HSD17B12: variants seen among roughly 807,000 people sequenced by gnomAD.
The protein encoded by HSD17B12 is very-long-chain 3-oxoacyl-CoA reductase.
In HSD17B12, 32 loss-of-function variants were observed where a neutral mutation model predicts 39.3. The ratio of observed to expected loss-of-function variants is 0.81; its 90% CI spans 0.61 to 1.09. HSD17B12 has a LOEUF of 1.09. HSD17B12 is among the 50% of genes least tolerant of loss of function. The probability of loss-of-function intolerance (pLI) is 0.00; values close to 1 mark genes in which losing one functional copy is unlikely to be tolerated. For missense variants in HSD17B12, 342 were observed against 382.9 expected (o/e 0.89, Z 0.89); for synonymous variants, 150 against 146.7 (o/e 1.02, Z -0.16).
the HSD17B12 span, among the ~76,000 whole-genome samples, chr11:43,623,353 T>G: frequency 6.6e-6 from 1 of 152,068 alleles, no homozygotes; most frequent in Non-Finnish European, 1.5e-5. Context: ...CCATTAGCCA[T>G]TTGAAAGAAT....
intron 3 of HSD17B12, among the ~76,000 whole-genome samples, chr11:43,794,995 G>A (rs1212845957): frequency 6.6e-6 from 1 of 151,742 alleles, no homozygotes; most frequent in African/African-American, 2.4e-5. Flanking sequence ...GCAGTAGGCT[G>A]TTGCTGAGTT....
intron 1 of HSD17B12, among the ~76,000 whole-genome samples, chr11:43,746,237 C>G (rs1950411525): frequency 6.6e-6 from 1 of 152,096 alleles, no homozygotes; most frequent in Non-Finnish European, 1.5e-5. Context: ...AACCCTTTTA[C>G]TTTATAAATT....
chr11:43,656,315 C>T, the HSD17B12 span, among the ~76,000 whole-genome samples: 11 of 152,108 alleles, frequency 7.2e-5, no homozygotes, highest in East Asian at 7.7e-4. Context: ...GTCTTGCTAG[C>T]GGTCTATCAA....
At chr11:43,677,590 AC>A (rs921396929), upstream of HSD17B12, among the ~76,000 whole-genome samples, 1 of 132,704 alleles carries the variant, frequency 7.5e-6, no homozygotes, top group East Asian at 2.4e-4. Flanking sequence ...ATTCCTCCCC[AC>A]CCCCCCACCA....
intron 6 of HSD17B12, among the ~76,000 whole-genome samples, chr11:43,823,981 G>T (rs1263859271): frequency 6.6e-6 from 1 of 152,096 alleles, no homozygotes; most frequent in East Asian, 1.9e-4. Context: ...TTGGTCTGTG[G>T]GCCAGAGGTG....
At chr11:43,737,028 G>C (rs1398951910) in intron 1 of HSD17B12, among the ~76,000 whole-genome samples, 1 of 152,196 alleles carries the variant, frequency 6.6e-6, no homozygotes, top group Non-Finnish European at 1.5e-5. Flanking sequence ...AAAGCCCTCA[G>C]AGGAAAGGCA....
At chr11:43,847,071 A>G (rs1429745296) in intron 9 of HSD17B12, among the ~76,000 whole-genome samples, 1 of 110,250 alleles carries the variant, frequency 9.1e-6, no homozygotes, top group Non-Finnish European at 2.0e-5. Context: ...GATATGTTCA[A>G]GAACATGGGG....
intron 1 of HSD17B12, among the ~76,000 whole-genome samples, chr11:43,693,074 C>A (rs1279213812): frequency 1.3e-5 from 2 of 152,176 alleles, no homozygotes; most frequent in East Asian, 1.9e-4. Flanking sequence ...CTCTTCACTT[C>A]AATTATTAGG....
intron 3 of HSD17B12, among the ~76,000 whole-genome samples, chr11:43,763,717 T>C (rs1177429098): frequency 6.6e-6 from 1 of 151,590 alleles, no homozygotes; most frequent in Non-Finnish European, 1.5e-5. Context: ...CTTTACATTC[T>C]GTGATTATTC....
Position 43,750,945 on chromosome 11 carries a change from A to G in HSD17B12, c.195A>G (p.Ser65=). Residue 65 remains serine (S), a synonymous_variant, in exon 2 of 11, where the codon TCA becomes TCG. Transcript: ENST00000278353. ...GTAGTACTGATGGAATTGGAAAATCATATGCAGAAGAGGTAGGTGATTTTC... is the reference window on the plus strand; with the variant it reads ...GTAGTACTGATGGAATTGGAAAATCGTATGCAGAAGAGGTAGGTGATTTTC... ...VTGSTDGIGK[S]YAEELAKHGM... is the part of the protein sequence containing the mutation. The G allele has an allele frequency of 6.2e-7, 1 of 1,601,686 alleles. No homozygotes were observed. The highest frequency in any genetic ancestry group is 8.5e-7 in the Non-Finnish European group (1 of 1,171,436).
chr11:43,826,338 C>T (rs1162415792), intron 6 of HSD17B12, among the ~76,000 whole-genome samples: 1 of 152,048 alleles, frequency 6.6e-6, no homozygotes, highest in East Asian at 1.9e-4. Flanking sequence ...CCGCCTCGAC[C>T]TCCCAAAGAG....
At chr11:43,621,292 G>T in the HSD17B12 span, among the ~76,000 whole-genome samples, 1 of 152,158 alleles carries the variant, frequency 6.6e-6, no homozygotes, top group Admixed American at 6.5e-5. Flanking sequence ...TAGATCAAGA[G>T]CAAAGGGACT....
the HSD17B12 span, among the ~76,000 whole-genome samples, chr11:43,615,129 C>T: frequency 6.6e-6 from 1 of 152,134 alleles, no homozygotes; most frequent in Non-Finnish European, 1.5e-5. Flanking sequence ...AACTTACTCA[C>T]AATTACCTTG....
At position 43,696,671 on chromosome 11, in the gene HSD17B12, C is replaced by T. The variant is rs1022656856; in HGVS notation, c.160+15684C>T. ...GCAATCCCATTACTAGGTATATACC[C>T]AAAGGAATATAAATCATTCTACTAT... On this transcript the variant is annotated intron_variant, in intron 1 of 10. Coordinates refer to ENST00000278353, the MANE Select transcript of HSD17B12 (RefSeq NM_016142.3). Among the ~76,000 whole-genome samples, 33 of 152,048 alleles carry T rather than the reference C, an allele frequency of 2.2e-4. 1 individual carries two copies. Among genetic ancestry groups the T allele is most frequent in the Non-Finnish European group, 2.9e-5 (2 of 68,018 alleles).
intron 1 of HSD17B12, among the ~76,000 whole-genome samples, chr11:43,699,561 AT>A (rs1253416930): frequency 6.6e-6 from 1 of 152,244 alleles, no homozygotes; most frequent in Non-Finnish European, 1.5e-5. Context: ...AAATATGTAT[AT>A]TTGAAAATTG....
At chr11:43,586,607 T>G in the HSD17B12 span, among the ~76,000 whole-genome samples, 24 of 152,318 alleles carry the variant, frequency 1.6e-4, no homozygotes, top group Admixed American at 3.3e-4. Flanking sequence ...AGTAAAGATC[T>G]GTTTGATCCT....
the HSD17B12 span, among the ~76,000 whole-genome samples, chr11:43,670,065 T>G: frequency 0.015 from 2,296 of 152,298 alleles, 42 homozygotes; most frequent in African/African-American, 0.053. Flanking sequence ...TAATGGAAGC[T>G]TCAGGAAATT....
intron 1 of HSD17B12, among the ~76,000 whole-genome samples, chr11:43,685,956 A>G (rs1949794126): frequency 6.6e-6 from 1 of 152,232 alleles, no homozygotes; most frequent in Non-Finnish European, 1.5e-5. Context: ...GTAGCTTGGG[A>G]TTTTCTTCAG....
At position 43,735,321 on chromosome 11, in the gene HSD17B12, G is replaced by A. The variant is rs146937721; in HGVS notation, c.161-15590G>A. ...AATTGCCAGGTCATATGGTATTTCT[G>A]TTGATCTTTTTGAGGAACTCCCAAC... On this transcript the variant is annotated intron_variant, in intron 1 of 10. Coordinates refer to ENST00000278353, the MANE Select transcript of HSD17B12 (RefSeq NM_016142.3). 2.0e-3 allele frequency among the ~76,000 whole-genome samples: 302 copies of A among 152,262 alleles called. 1 individual carries two copies. Among genetic ancestry groups the A allele is most frequent in the Non-Finnish European group, 2.0e-3 (137 of 68,014 alleles).
Sources: gnomAD v4.1 joint callset for allele counts (sites outside exome capture counted in the v4.1 genomes callset) on GRCh38, gnomAD v4.1.1 for gene constraint, MANE v1.5 for transcripts, NCBI Gene and HGNC (gene_info 2026-07-23, HGNC 2026-07-21) for gene names.